LRRTM3: variants seen among roughly 807,000 people sequenced by gnomAD.
The protein encoded by LRRTM3 is leucine rich repeat transmembrane neuronal 3.
Under a neutral mutation model 44.7 loss-of-function variants are expected in LRRTM3, and 24 were observed. The observed-to-expected ratio is 0.54, with a 90% CI of 0.39 to 0.76. The LOEUF is 0.76. Among genes scored for constraint, LRRTM3 ranks in the 30% least tolerant of loss-of-function variants. The pLI is 0.00. For missense variants in LRRTM3, 587 were observed against 702.2 expected (o/e 0.84, Z 1.85); for synonymous variants, 277 against 278.7 (o/e 0.99, Z 0.06).
chr10:67,096,385 T>C (rs1857996262), intron 2 of LRRTM3, among the ~76,000 whole-genome samples: 1 of 151,734 alleles, frequency 6.6e-6, no homozygotes. Context: ...AAAAAAATAA[T>C]ACCTAGGCCT....
chr10:67,046,607 C>T (rs893607022), intron 2 of LRRTM3, among the ~76,000 whole-genome samples: 2 of 151,642 alleles, frequency 1.3e-5, no homozygotes, highest in African/African-American at 2.4e-5. Context: ...TCTTCACCAC[C>T]GTAATAAGAC....
intron 2 of LRRTM3, among the ~76,000 whole-genome samples, chr10:67,080,228 C>T (rs537562130): frequency 6.6e-6 from 1 of 152,142 alleles, no homozygotes; most frequent in Non-Finnish European, 1.5e-5. Flanking sequence ...CCATTTTCTG[C>T]TGGATTGGGT....
intron 2 of LRRTM3, among the ~76,000 whole-genome samples, chr10:67,020,691 T>C (rs976292403): frequency 1.3e-4 from 20 of 152,234 alleles, no homozygotes; most frequent in African/African-American, 4.3e-4. Context: ...CAAAAGTTAT[T>C]TAAGGGGAGA....
At chr10:67,006,825 A>G (rs10762125) in intron 2 of LRRTM3, among the ~76,000 whole-genome samples, 79,509 of 151,694 alleles carry the variant, frequency 0.52, 21,545 homozygotes, top group Middle Eastern at 0.74. Context: ...ATGGAGTCTC[A>G]CTCTGTTGCC....
rs370838959 is a variant in LRRTM3 at position 66,981,844 on chromosome 10, C to T, written c.1536+53392C>T. Among the ~76,000 whole-genome samples the T allele has an allele frequency of 9.8e-5, 15 of 152,336 alleles. 1 individual carries two copies. In the East Asian group the frequency reaches 1.7e-3, roughly 18 times the overall value. Reference sequence around the variant, plus strand: ...ACATCGAGCACATTGCATCATCTTCCTGCTGCTGCAGTGTTCTATAATTTT... The same window carrying T: ...ACATCGAGCACATTGCATCATCTTCTTGCTGCTGCAGTGTTCTATAATTTT... On this transcript the variant is annotated intron_variant, in intron 2 of 2. Transcript: ENST00000361320.
chr10:67,076,953 C>G (rs557767720), intron 2 of LRRTM3, among the ~76,000 whole-genome samples: 1 of 152,320 alleles, frequency 6.6e-6, no homozygotes, highest in African/African-American at 2.4e-5. Context: ...TCGTCTTTAT[C>G]ACGTCTAACA....
intron 2 of LRRTM3, among the ~76,000 whole-genome samples, chr10:66,966,992 T>C (rs1051150574): frequency 6.6e-6 from 1 of 152,086 alleles, no homozygotes; most frequent in Non-Finnish European, 1.5e-5. Context: ...ATTTGATATA[T>C]GCTATTGCAA....
At chr10:67,083,282 C>T (rs1857139587) in intron 2 of LRRTM3, among the ~76,000 whole-genome samples, 1 of 152,204 alleles carries the variant, frequency 6.6e-6, no homozygotes, top group East Asian at 1.9e-4. Flanking sequence ...CAAATAGCTG[C>T]CTTTTCATTT....
At chr10:67,000,842 A>G (rs1851643830) in intron 2 of LRRTM3, among the ~76,000 whole-genome samples, 1 of 152,196 alleles carries the variant, frequency 6.6e-6, no homozygotes, top group Non-Finnish European at 1.5e-5. Flanking sequence ...AGGCAATCTG[A>G]GAATTTAATT....
intron 2 of LRRTM3, among the ~76,000 whole-genome samples, chr10:66,964,322 G>A (rs1849284392): frequency 6.6e-6 from 1 of 151,408 alleles, no homozygotes; most frequent in Non-Finnish European, 1.5e-5. Flanking sequence ...TTACATTGGT[G>A]GGGGAGATAC....
intron 2 of LRRTM3, among the ~76,000 whole-genome samples, chr10:66,966,628 G>A (rs895598996): frequency 2.0e-5 from 3 of 151,886 alleles, no homozygotes; most frequent in Admixed American, 6.6e-5. Context: ...CCTAATTTAC[G>A]GCGAGGGGGA....
intron 2 of LRRTM3, among the ~76,000 whole-genome samples, chr10:66,997,591 C>T (rs542993589): frequency 5.5e-4 from 84 of 152,296 alleles, no homozygotes; most frequent in African/African-American, 1.6e-3. Flanking sequence ...CTCCTATACA[C>T]TGTTTTCCTA....
At chr10:66,948,289 G>T (rs893687346) in intron 2 of LRRTM3, among the ~76,000 whole-genome samples, 1 of 152,138 alleles carries the variant, frequency 6.6e-6, no homozygotes, top group African/African-American at 2.4e-5. Context: ...CATGTACAAA[G>T]AAAGTTTTAA....
At chr10:66,952,121 C>T (rs998175269) in intron 2 of LRRTM3, among the ~76,000 whole-genome samples, 14 of 152,264 alleles carry the variant, frequency 9.2e-5, no homozygotes, top group African/African-American at 3.1e-4. Context: ...TATTTTTAAG[C>T]ATAAGACAGG....
intron 2 of LRRTM3, among the ~76,000 whole-genome samples, chr10:66,930,364 T>G (rs901491540): frequency 6.6e-6 from 1 of 152,210 alleles, no homozygotes; most frequent in Non-Finnish European, 1.5e-5. Context: ...CCTCACAGCT[T>G]ACTGGATGAC....
intron 2 of LRRTM3, among the ~76,000 whole-genome samples, chr10:66,950,235 C>T (rs1015000944): frequency 3.3e-5 from 5 of 152,124 alleles, no homozygotes; most frequent in Non-Finnish European, 7.3e-5. Context: ...CCCCATTCAA[C>T]TCTAATTGTA....
chr10:67,087,374 A>G (rs1857363838), intron 2 of LRRTM3, among the ~76,000 whole-genome samples: 1 of 152,044 alleles, frequency 6.6e-6, no homozygotes, highest in Non-Finnish European at 1.5e-5. Context: ...ATATTGTGGA[A>G]GTTATTAGAT....
chr10:67,049,098 G>A (rs1275029474), intron 2 of LRRTM3, among the ~76,000 whole-genome samples: 1 of 149,402 alleles, frequency 6.7e-6, no homozygotes, highest in African/African-American at 2.5e-5. Flanking sequence ...TTTATAACTT[G>A]TGGTCTATGG....
At chr10:67,012,080 G>A (rs546833545) in intron 2 of LRRTM3, among the ~76,000 whole-genome samples, 30 of 152,250 alleles carry the variant, frequency 2.0e-4, no homozygotes, top group South Asian at 4.1e-4. Flanking sequence ...CACAAGCTCC[G>A]TAGATACAAG....
Sources: allele counts gnomAD v4.1 joint callset (sites outside exome capture counted in the v4.1 genomes callset), GRCh38; gene constraint gnomAD v4.1.1; transcripts MANE v1.5; gene names NCBI Gene and HGNC (gene_info 2026-07-23, HGNC 2026-07-21).